The following SPON1 variants were observed in gnomAD, a reference collection of about 807,000 sequenced individuals.
SPON1 encodes the protein spondin-1.
Under a neutral mutation model 111.7 loss-of-function variants are expected in SPON1, and 52 were observed. That is an observed-to-expected ratio of 0.47 (90% CI 0.37 to 0.59). The LOEUF is 0.59. Ranked by LOEUF, SPON1 falls within the 20% of genes least tolerant of loss-of-function variation. The pLI, the probability that SPON1 is intolerant of heterozygous loss-of-function variation, is 0.00. For missense variants in SPON1, 957 were observed against 1,068.5 expected (o/e 0.90, Z 1.46); for synonymous variants, 410 against 395.8 (o/e 1.04, Z -0.43).
intron 5 of SPON1, among the ~76,000 whole-genome samples, chr11:14,090,824 G>GCCACCC (rs1849046497): frequency 0.01 from 467 of 45,568 alleles, 25 homozygotes; most frequent in East Asian, 0.015. Context: ...CTCTTATCTG[G>GCCACCC]CCCCCCCCCC....
chr11:14,237,271 T>C (rs1209025256), intron 6 of SPON1, among the ~76,000 whole-genome samples: 3 of 152,174 alleles, frequency 2.0e-5, no homozygotes, highest in Non-Finnish European at 4.4e-5. Flanking sequence ...GGCCAAATAG[T>C]GCTCACCGGG....
At chr11:14,098,415 A>G (rs1591375051) in intron 5 of SPON1, among the ~76,000 whole-genome samples, 2 of 152,216 alleles carry the variant, frequency 1.3e-5, no homozygotes, top group Non-Finnish European at 2.9e-5. Context: ...TTCTGTGATG[A>G]GCCTAATTTA....
chr11:14,005,560 C>G (rs1007939803), intron 2 of SPON1, among the ~76,000 whole-genome samples: 14 of 152,144 alleles, frequency 9.2e-5, no homozygotes, highest in Admixed American at 7.2e-4. Flanking sequence ...GTAAATTAAG[C>G]CTGGGGCTTT....
intron 6 of SPON1, among the ~76,000 whole-genome samples, chr11:14,202,257 G>C (rs1398850219): frequency 6.6e-6 from 1 of 152,188 alleles, no homozygotes; most frequent in Non-Finnish European, 1.5e-5. Context: ...CTGAATGAAG[G>C]CTTGCTGTGT....
At chr11:14,013,613 G>A (rs547579577) in intron 2 of SPON1, among the ~76,000 whole-genome samples, 1 of 152,238 alleles carries the variant, frequency 6.6e-6, no homozygotes, top group South Asian at 2.1e-4. Flanking sequence ...CAACTTAAAT[G>A]TAGTTTTGAA....
intron 2 of SPON1, among the ~76,000 whole-genome samples, chr11:14,026,610 G>A (rs1363931149): frequency 6.6e-6 from 1 of 152,146 alleles, no homozygotes; most frequent in Non-Finnish European, 1.5e-5. Context: ...AAACAGTTTT[G>A]ATCCCATGCC....
At chr11:14,214,488 G>C (rs1848607041) in intron 6 of SPON1, among the ~76,000 whole-genome samples, 1 of 152,148 alleles carries the variant, frequency 6.6e-6, no homozygotes, top group African/African-American at 2.4e-5. Context: ...GATATTAAGA[G>C]GAGAAAAAGA....
chr11:14,046,405 C>G (rs1848668762), intron 3 of SPON1, among the ~76,000 whole-genome samples: 2 of 152,150 alleles, frequency 1.3e-5, no homozygotes, highest in Admixed American at 1.3e-4. Flanking sequence ...TCCAGAGGAA[C>G]AAATCAAAGA....
intron 6 of SPON1, among the ~76,000 whole-genome samples, chr11:14,173,219 T>C (rs1400892428): frequency 1.3e-5 from 2 of 152,220 alleles, no homozygotes; most frequent in East Asian, 3.9e-4. Flanking sequence ...TCTAAACTTC[T>C]CTTCTCACTT....
intron 2 of SPON1, among the ~76,000 whole-genome samples, chr11:14,022,742 A>G (rs1848489996): frequency 1.3e-5 from 2 of 152,230 alleles, no homozygotes; most frequent in Non-Finnish European, 2.9e-5. Flanking sequence ...AAATCAAGCA[A>G]TGAATTACTG....
chr11:14,045,002 A>T (rs10832170), intron 3 of SPON1, among the ~76,000 whole-genome samples: 60,585 of 152,062 alleles, frequency 0.4, 13,135 homozygotes, highest in South Asian at 0.57. Flanking sequence ...AATATCCTGA[A>T]ACTTGCCTAT....
intron 7 of SPON1, among the ~76,000 whole-genome samples, chr11:14,243,609 A>T (rs1246770340): frequency 2.0e-5 from 3 of 152,226 alleles, no homozygotes; most frequent in East Asian, 3.9e-4. Context: ...CAATGGCTTT[A>T]ATACCACAGC....
intron 14 of SPON1, among the ~76,000 whole-genome samples, chr11:14,261,640 G>A (rs17473257): frequency 0.013 from 1,943 of 152,286 alleles, 20 homozygotes; most frequent in Middle Eastern, 0.034. Context: ...GCCATGGGTG[G>A]AGGTAACTTG....
intron 3 of SPON1, among the ~76,000 whole-genome samples, chr11:14,068,120 A>G (rs1462148061): frequency 1.3e-5 from 2 of 152,202 alleles, no homozygotes; most frequent in Admixed American, 6.6e-5. Context: ...ATGAAAATCA[A>G]TTCATCATTA....
intron 6 of SPON1, among the ~76,000 whole-genome samples, chr11:14,168,259 T>G (rs974898732): frequency 3.3e-5 from 5 of 152,232 alleles, no homozygotes; most frequent in Non-Finnish European, 7.3e-5. Context: ...GACCTTAATT[T>G]AGACCAAATG....
At chr11:14,007,767 C>A (rs2697854) in intron 2 of SPON1, among the ~76,000 whole-genome samples, 4 of 151,828 alleles carry the variant, frequency 2.6e-5, no homozygotes, top group East Asian at 1.9e-4. Flanking sequence ...AGACTGGGGG[C>A]TGGGGACTCC....
At chr11:14,110,401 C>A (rs1554925335) in intron 5 of SPON1, among the ~76,000 whole-genome samples, 1 of 152,174 alleles carries the variant, frequency 6.6e-6, no homozygotes, top group African/African-American at 2.4e-5. Flanking sequence ...TACCCTACTC[C>A]TGGTACCAAA....
chr11:14,177,276 G>A (rs1437825522), intron 6 of SPON1, among the ~76,000 whole-genome samples: 1 of 152,104 alleles, frequency 6.6e-6, no homozygotes, highest in Non-Finnish European at 1.5e-5. Flanking sequence ...TCCTGACCTC[G>A]TGATCTGCTT....
chr11:13,970,707 G>T (rs1468392312), intron 1 of SPON1, among the ~76,000 whole-genome samples: 1 of 152,096 alleles, frequency 6.6e-6, no homozygotes, highest in Non-Finnish European at 1.5e-5. Flanking sequence ...TGCTCTTCAT[G>T]CCTGGGATGG....
Sources: gnomAD v4.1 joint callset for allele counts (sites outside exome capture counted in the v4.1 genomes callset) on GRCh38, gnomAD v4.1.1 for gene constraint, MANE v1.5 for transcripts, NCBI Gene and HGNC (gene_info 2026-07-23, HGNC 2026-07-21) for gene names.